Variants in TRIM48 observed in about 807,000 individuals in gnomAD.
TRIM48 encodes the protein E3 ubiquitin-protein ligase TRIM48.
Under a neutral mutation model 29.5 loss-of-function variants are expected in TRIM48, and 31 were observed. The observed-to-expected ratio is 1.05, with a 90% CI of 0.79 to 1.42. The LOEUF is 1.42. Ranked by LOEUF, TRIM48 falls within the 40% of genes most tolerant of loss-of-function variation. The probability of loss-of-function intolerance (pLI) is 0.00; values close to 1 mark genes in which losing one functional copy is unlikely to be tolerated. For synonymous variants in TRIM48, 128 were observed against 90.6 expected (o/e 1.41, Z -2.34); for missense variants, 344 against 265.0 (o/e 1.30, Z -2.07).
intron 1 of TRIM48, among the ~76,000 whole-genome samples, chr11:55,263,253 G>T (rs573389656): frequency 6.6e-6 from 1 of 152,132 alleles, no homozygotes; most frequent in African/African-American, 2.4e-5. Context: ...AGAACACGCT[G>T]TACAGTTTTG....
In TRIM48 at chr11:55,271,095, A is replaced by T; in HGVS notation, c.*660A>T. ...AACTCATTTATTGTGTTACTATTAA[A>T]TGTAGTAAAAACACTAAAAGTATAT... On this transcript the variant is annotated 3_prime_UTR_variant, in exon 6 of 6. Transcript: ENST00000417545. The T allele has an allele frequency of 4.0e-6, 4 of 1,011,182 alleles. 1 individual carries two copies. The South Asian group carries it at 7.8e-5, about 20-fold the overall frequency. The allele number at this position is 1,011,182 out of a possible 1,614,324, so 62.6% of individuals were successfully genotyped here. A position where few individuals can be genotyped will look rare whatever the true frequency, so the allele number is the denominator to read the frequency against.
intron 1 of TRIM48, among the ~76,000 whole-genome samples, chr11:55,263,908 C>T (rs1258228280): frequency 6.6e-6 from 1 of 152,152 alleles, no homozygotes; most frequent in African/African-American, 2.4e-5. Flanking sequence ...TGCCTTTCCT[C>T]TGGCCTTTTC....
rs1282851868 is a variant in TRIM48 at position 55,270,643 on chromosome 11, G to T, written c.*208G>T. 4 of 1,580,358 alleles carry T rather than the reference G, an allele frequency of 2.5e-6. No individual in the cohort carries two copies. The African/African-American group carries it at 4.1e-5, about 16-fold the overall frequency. On this transcript the variant is annotated 3_prime_UTR_variant, in exon 6 of 6. Coordinates refer to ENST00000417545, the MANE Select transcript of TRIM48 (RefSeq NM_024114.5). ...GGGGGACTCTTGGAATTGGGCTTTTGGTGTCTGTAATAAGTATTGGAAAGG... is the reference window on the plus strand; with the variant it reads ...GGGGGACTCTTGGAATTGGGCTTTTTGTGTCTGTAATAAGTATTGGAAAGG...
At chr11:55,262,432 C>A (rs1347950391) in intron 1 of TRIM48, 121 bp downstream of exon 1, 14 of 738,974 alleles carry the variant, frequency 1.9e-5, no homozygotes, top group African/African-American at 5.4e-5. Flanking sequence ...AATTCATATT[C>A]TTACTATAGA....
intron 1 of TRIM48, among the ~76,000 whole-genome samples, chr11:55,263,385 A>G (rs199711159): frequency 1.3e-5 from 2 of 151,912 alleles, no homozygotes; most frequent in African/African-American, 4.8e-5. Flanking sequence ...AGGCGCAGTG[A>G]CTCATGCCTG....
chr11:55,267,725 T>C, intron 3 of TRIM48: 1 of 1,511,740 alleles, frequency 6.6e-7, no homozygotes, highest in South Asian at 1.3e-5. Context: ...TCCCTACCTT[T>C]ATTTCCATGA....
chr11:55,268,422 A>G, intron 4 of TRIM48, 50 bp downstream of exon 4: 1 of 1,493,020 alleles, frequency 6.7e-7, no homozygotes. Flanking sequence ...TTCCACGAAT[A>G]TCAAAGCAGG....
chr11:55,263,755 G>A (rs1251397075), intron 1 of TRIM48, among the ~76,000 whole-genome samples: 1 of 152,154 alleles, frequency 6.6e-6, no homozygotes, highest in Middle Eastern at 3.2e-3. Context: ...AATTCATCAG[G>A]AAAATTCGTT....
chr11:55,265,781 T>C (rs1399144033), intron 3 of TRIM48, 86 bp downstream of exon 3: 4 of 1,278,822 alleles, frequency 3.1e-6, no homozygotes, highest in African/African-American at 1.6e-5. Context: ...TATCAAACCG[T>C]AATGTTTCTG....
intron 3 of TRIM48, among the ~76,000 whole-genome samples, 167 bp downstream of exon 3, chr11:55,265,862 T>A (rs1333485263): frequency 1.4e-5 from 2 of 145,744 alleles, no homozygotes; most frequent in Admixed American, 7.0e-5. Flanking sequence ...TGTAGAATAG[T>A]GTGACTATTA....
In TRIM48 at chr11:55,269,387, T is replaced by C. The variant is rs766620956; in HGVS notation, c.*1+48T>C. ...CACCCCCACTATCTAAATATTATTA[T>C]TGTTAGGATCACATAGGTAATATTT... On this transcript the variant is annotated intron_variant, in intron 5 of 5. Transcript: ENST00000417545. 20 of 1,551,446 alleles carry C rather than the reference T, an allele frequency of 1.3e-5. 3 individuals are homozygous for C. Among genetic ancestry groups the C allele is most frequent in the Admixed American group, 1.2e-4 (7 of 57,816 alleles).
chr11:55,267,167 T>C (rs1385050630), intron 3 of TRIM48, among the ~76,000 whole-genome samples: 5 of 148,052 alleles, frequency 3.4e-5, no homozygotes, highest in Admixed American at 6.8e-5. Flanking sequence ...AATTGTGTTT[T>C]TTTTTATTTC....
intron 5 of TRIM48, among the ~76,000 whole-genome samples, chr11:55,269,672 T>C (rs1857450149): frequency 6.8e-6 from 1 of 147,462 alleles, no homozygotes; most frequent in Non-Finnish European, 1.5e-5. Flanking sequence ...AAATTTTACA[T>C]TTCTTTGGTG....
intron 3 of TRIM48, among the ~76,000 whole-genome samples, chr11:55,266,438 G>T (rs1226568385): frequency 6.8e-6 from 1 of 147,560 alleles, no homozygotes; most frequent in Admixed American, 6.9e-5. Context: ...TATTAAATTA[G>T]AAAATTTGCC....
intron 1 of TRIM48, among the ~76,000 whole-genome samples, chr11:55,262,555 AT>A (rs1249220780): frequency 6.6e-6 from 1 of 152,174 alleles, no homozygotes; most frequent in Non-Finnish European, 1.5e-5. Flanking sequence ...ATATGTATGC[AT>A]AATGAATATA....
At position 55,270,987 on chromosome 11, in the gene TRIM48, C is replaced by A. The variant is rs1565080334; in HGVS notation, c.*552C>A. 2.0e-6 allele frequency: 3 copies of A among 1,518,804 alleles called. 1 individual carries two copies. The highest frequency in any genetic ancestry group is 5.2e-5 in the East Asian group (2 of 38,188). 94.1% of individuals were successfully genotyped at this position (1,518,804 alleles called of 1,614,324 possible). On this transcript the variant is annotated 3_prime_UTR_variant, in exon 6 of 6. Coordinates refer to ENST00000417545, the MANE Select transcript of TRIM48 (RefSeq NM_024114.5). ...ATCTGCTGTGGGAACCCCTTTATCC[C>A]AGAAAGCCCTCTTCCTTGTGCCTTA...
chr11:55,265,990 A>G (rs939841183), intron 3 of TRIM48, among the ~76,000 whole-genome samples: 2 of 147,366 alleles, frequency 1.4e-5, no homozygotes, highest in Non-Finnish European at 3.0e-5. Context: ...AGCATTCTAT[A>G]TGTGCTGGTT....
intron 5 of TRIM48, 45 bp from the exon 6 acceptor site, chr11:55,270,392 T>C: frequency 7.3e-7 from 1 of 1,371,410 alleles, no homozygotes; most frequent in Non-Finnish European, 9.7e-7. Flanking sequence ...TATGCATGTT[T>C]TCTTTCTTTC....
Position 55,270,880 on chromosome 11 carries a change from C to T in TRIM48, c.*445C>T. ...TCAAAGCTCCCCTATATACACCATC[C>T]CTAATTGCTCCTTCTCACTTCCTCT... On this transcript the variant is annotated 3_prime_UTR_variant, in exon 6 of 6. Transcript: ENST00000417545. 6 of 1,561,124 alleles carry T rather than the reference C, an allele frequency of 3.8e-6. 1 individual carries two copies. Among genetic ancestry groups the T allele is most frequent in the Non-Finnish European group, 3.5e-6 (4 of 1,147,422 alleles).
Sources: allele counts gnomAD v4.1 joint callset (sites outside exome capture counted in the v4.1 genomes callset), GRCh38; gene constraint gnomAD v4.1.1; transcripts MANE v1.5; gene names NCBI Gene and HGNC (gene_info 2026-07-23, HGNC 2026-07-21).